Variants in CCNE1 observed in about 807,000 individuals in gnomAD.
CCNE1 encodes G1/S-specific cyclin-E1.
CCNE1 carries 8 observed loss-of-function variants against 54.1 expected under a neutral mutation model. The observed-to-expected ratio is 0.15, with a 90% CI of 0.09 to 0.27. CCNE1 has a LOEUF of 0.27. CCNE1 is among the 10% of genes least tolerant of loss of function. CCNE1 has a pLI of 1.00. For missense variants in CCNE1, 430 were observed against 514.9 expected, an observed-to-expected ratio of 0.84 and a Z score of 1.60; for synonymous variants, 179 against 185.2, an observed-to-expected ratio of 0.97 and a Z score of 0.27.
At chr19:29,822,647 A>T (rs746969573) in intron 11 of CCNE1, 44 bp downstream of exon 11, 1 of 1,572,786 alleles carries the variant, frequency 6.4e-7, no homozygotes, top group South Asian at 1.2e-5. Context: ...CCAAATTCTT[A>T]AAACTGCCTA....
intron 6 of CCNE1, among the ~76,000 whole-genome samples, chr19:29,820,360 G>T (rs1203613907): frequency 1.3e-5 from 2 of 152,086 alleles, no homozygotes; most frequent in African/African-American, 4.8e-5. Flanking sequence ...AAACCAGCCT[G>T]GCCAACGTGG....
intron 6 of CCNE1, among the ~76,000 whole-genome samples, chr19:29,820,258 A>G (rs572190571): frequency 6.6e-6 from 1 of 152,296 alleles, no homozygotes; most frequent in South Asian, 2.1e-4. Context: ...TTTAAAACCT[A>G]TCAGTTGTTA....
chr19:29,820,330 C>G (rs938202948), intron 6 of CCNE1, among the ~76,000 whole-genome samples: 1 of 152,166 alleles, frequency 6.6e-6, no homozygotes, highest in African/African-American at 2.4e-5. Flanking sequence ...GCAGGTGGAT[C>G]ACTTGAGGCC....
At chr19:29,815,722 AG>A (rs1449493652) in intron 4 of CCNE1, among the ~76,000 whole-genome samples, 5 of 146,932 alleles carry the variant, frequency 3.4e-5, no homozygotes, top group African/African-American at 5.1e-5. Flanking sequence ...TCCGCCTCCC[AG>A]GTTCAAGTGA....
chr19:29,822,271 G>T lies in CCNE1; in HGVS notation c.872G>T (p.Cys291Phe). The change falls in exon 10 of 12, where the codon TGC becomes TTC. Residue 291 changes from cysteine to phenylalanine, a missense_variant. By Grantham distance (205) the Cys-to-Phe change is radical. Coordinates refer to ENST00000262643, the MANE Select transcript of CCNE1 (RefSeq NM_001238.4). Reference sequence around the variant, plus strand: ...GATCTCTGTGTCCTGGATGTTGACTGCCTTGAATTTCCTTATGGTATACTT... The same window carrying T: ...GATCTCTGTGTCCTGGATGTTGACTTCCTTGAATTTCCTTATGGTATACTT... ...LLDLCVLDVDCLEFPYGILAA... is the reference protein window; with the variant it reads ...LLDLCVLDVDFLEFPYGILAA... 6.2e-7 allele frequency: 1 copy of T among 1,614,026 alleles called. No homozygotes were observed. The highest frequency in any genetic ancestry group is 1.1e-5 in the South Asian group (1 of 91,086).
At chr19:29,813,252 CGTCT>C (rs1471467275) in intron 4 of CCNE1, 1 of 579,884 alleles carries the variant, frequency 1.7e-6, no homozygotes, top group East Asian at 2.8e-5. Context: ...TGACTGGCAC[CGTCT>C]GAGATTACAG....
At chr19:29,816,362 T>C (rs1431258121) in intron 4 of CCNE1, among the ~76,000 whole-genome samples, 1 of 152,234 alleles carries the variant, frequency 6.6e-6, no homozygotes, top group Non-Finnish European at 1.5e-5. Flanking sequence ...AATACATATC[T>C]GAAACCTTTA....
intron 3 of CCNE1, 59 bp from the exon 4 acceptor site, chr19:29,812,906 TTCTC>T (rs1436695771): frequency 1.9e-5 from 31 of 1,604,846 alleles, no homozygotes; most frequent in African/African-American, 2.7e-5. Flanking sequence ...CTTTCTCTTC[TTCTC>T]TCTGTTTTTG....
In CCNE1 at chr19:29,820,766, A is replaced by G; in HGVS notation, c.527A>G (p.Tyr176Cys). 6.2e-7 allele frequency: 1 copy of G among 1,610,582 alleles called. No homozygotes were observed. ...TTGGCACAAGATTTCTTTGACCGGT[A>G]TATGGCGACACAAGAAAATGTTGTA... ...FYLAQDFFDR[Y>C]MATQENVVKT... The change falls in exon 7 of 12, where the codon TAT becomes TGT. Residue 176 changes from tyrosine (Y) to cysteine (C), a missense_variant. By Grantham distance (194) the Tyr-to-Cys change is radical (BLOSUM62 -2). Coordinates refer to ENST00000262643, the MANE Select transcript of CCNE1 (RefSeq NM_001238.4).
In CCNE1 at chr19:29,815,658, T is replaced by G. The variant is rs976689713; in HGVS notation, c.181-1479T>G. Reference sequence around the variant, plus strand: ...TTTTTTTTGGGGGGGGGACAGAGTCTTGCTCCGTCACCCAGGCTGGAGAGC... The same window carrying G: ...TTTTTTTTGGGGGGGGGACAGAGTCGTGCTCCGTCACCCAGGCTGGAGAGC... On this transcript the variant is annotated intron_variant, in intron 4 of 11. Coordinates refer to ENST00000262643, the MANE Select transcript of CCNE1 (RefSeq NM_001238.4). 1.1e-4 allele frequency among the ~76,000 whole-genome samples: 17 copies of G among 149,584 alleles called. No homozygotes were observed. In the Admixed American group the frequency reaches 1.1e-3, roughly 10 times the overall value.
At chr19:29,813,354 AGG>A (rs1428198345) in intron 4 of CCNE1, 1 of 333,026 alleles carries the variant, frequency 3.0e-6, no homozygotes, top group Non-Finnish European at 5.6e-6. Flanking sequence ...ACTCAGTTAG[AGG>A]AAGAAAGTAA....
intron 5 of CCNE1, 30 bp downstream of exon 5, chr19:29,817,312 A>G (rs530187511): frequency 1.2e-6 from 2 of 1,614,042 alleles, no homozygotes; most frequent in Admixed American, 1.7e-5. Flanking sequence ...CATGGCTTCC[A>G]GGTCTCTTAC....
chr19:29,820,580 T>C lies in CCNE1; in HGVS notation c.463-122T>C, dbSNP rs571823606. ...AAACAAAAAAACAAAAAACTATCAA[T>C]TGTTGAGTTCAGGAACTTTGCATTT... is the stretch of plus-strand genomic sequence containing the variant. On this transcript the variant is annotated intron_variant, in intron 6 of 11. Transcript: ENST00000262643. 56 of 700,316 alleles carry C rather than the reference T, an allele frequency of 8.0e-5. 1 individual carries two copies. The South Asian group carries it at 1.0e-3, about 13-fold the overall frequency. The allele number at this position is 700,316 out of a possible 1,614,324, so 43.4% of individuals were successfully genotyped here. A position where few individuals can be genotyped will look rare whatever the true frequency, so the allele number is the denominator to read the frequency against.
intron 4 of CCNE1, chr19:29,813,271 G>C: frequency 1.8e-6 from 1 of 561,528 alleles, no homozygotes; most frequent in Non-Finnish European, 3.2e-6. Flanking sequence ...TTACAGATAT[G>C]TGCCTAGCCT....
chr19:29,813,013 G>A lies in CCNE1; in HGVS notation c.156G>A (p.Thr52=), dbSNP rs1448294800. ...AAGAAATGGCCAAAATCGACAGGAC[G>A]GCGAGGGACCAGTGTGGGAGCCAGG... ...PDEEMAKIDR[T]ARDQCGSQPW... Residue 52 remains threonine, a synonymous_variant, in exon 4 of 12, where the codon ACG becomes ACA. Coordinates refer to ENST00000262643, the MANE Select transcript of CCNE1 (RefSeq NM_001238.4). 3 of 1,614,050 alleles carry A rather than the reference G, an allele frequency of 1.9e-6. No homozygotes were observed. Among genetic ancestry groups the A allele is most frequent in the Non-Finnish European group, 1.7e-6 (2 of 1,180,030 alleles).
intron 6 of CCNE1, 144 bp from the exon 7 acceptor site, chr19:29,820,551 AAAAAAAC>A (rs2145726209): frequency 1.6e-6 from 1 of 625,704 alleles, no homozygotes; most frequent in South Asian, 2.1e-5. Context: ...GCACCTCAAA[AAAAAAAC>A]AAAAAAACAA....
In CCNE1 at chr19:29,817,275, G is replaced by A. The variant is rs1599599505; in HGVS notation, c.319G>A (p.Val107Ile). Residue 107 changes from valine to isoleucine, a missense_variant, in exon 5 of 12, where the codon GTA becomes ATA. Transcript: ENST00000262643. ...ACCATCCAGAGGCTCCCCGCTGCCT[G>A]TACTGAGGTCAGTGCCGACTCTGCC... is the stretch of plus-strand genomic sequence containing the variant. ...IAPSRGSPLP[V>I]LSWANREEVW... The A allele has an allele frequency of 1.9e-6, 3 of 1,614,034 alleles. No homozygotes were observed. In the East Asian group the frequency reaches 6.7e-5, roughly 36 times the overall value.
intron 6 of CCNE1, among the ~76,000 whole-genome samples, chr19:29,818,840 A>G (rs1974087349): frequency 6.7e-6 from 1 of 148,430 alleles, no homozygotes; most frequent in South Asian, 2.1e-4. Context: ...TTGGCTCACC[A>G]CAACCTCTGC....
chr19:29,813,047 C>A lies in CCNE1; in HGVS notation c.180+10C>A. ...CCAGTGTGGGAGCCAGGTAGGTCCG[C>A]CCGGGGTTGGGCCTCTGTGGAGGTC... is the stretch of plus-strand genomic sequence containing the variant. On this transcript the variant is annotated intron_variant, in intron 4 of 11. Transcript: ENST00000262643. The A allele has an allele frequency of 6.2e-7, 1 of 1,613,838 alleles. No individual in the cohort carries two copies. The highest frequency in any genetic ancestry group is 8.5e-7 in the Non-Finnish European group (1 of 1,179,770).
Sources: gnomAD v4.1 joint callset for allele counts (sites outside exome capture counted in the v4.1 genomes callset) on GRCh38, gnomAD v4.1.1 for gene constraint, MANE v1.5 for transcripts, NCBI Gene and HGNC (gene_info 2026-07-23, HGNC 2026-07-21) for gene names.